The following NDEL1 variants were observed in gnomAD, a reference collection of about 807,000 sequenced individuals.
NDEL1 encodes nuclear distribution protein nudE-like 1.
A neutral mutation model predicts 45.7 loss-of-function variants in NDEL1; 9 were observed. That is an observed-to-expected ratio of 0.20 (90% CI 0.12 to 0.34). The LOEUF is 0.34. NDEL1 is among the 10% of genes least tolerant of loss of function. The pLI, the probability that NDEL1 is intolerant of heterozygous loss-of-function variation, is 1.00. For synonymous variants in NDEL1, 133 were observed against 158.6 expected (o/e 0.84, Z 1.21); for missense variants, 306 against 406.2 (o/e 0.75, Z 2.12).
intron 1 of NDEL1, among the ~76,000 whole-genome samples, chr17:8,420,074 C>T (rs1254213271): frequency 6.6e-6 from 1 of 152,160 alleles, no homozygotes; most frequent in Non-Finnish European, 1.5e-5. Context: ...CTCAACACTT[C>T]CCTGGTTTTC....
chr17:8,448,852 G>A (rs1186998029), intron 5 of NDEL1, among the ~76,000 whole-genome samples, 166 bp downstream of exon 5: 1 of 152,060 alleles, frequency 6.6e-6, no homozygotes, highest in Non-Finnish European at 1.5e-5. Context: ...TCATATATAC[G>A]GGCTGACTGT....
chr17:8,444,058 A>G, intron 1 of NDEL1: 1 of 460,126 alleles, frequency 2.2e-6, no homozygotes, highest in African/African-American at 2.0e-5. Flanking sequence ...CTTTGTCATG[A>G]TCTCATTCAC....
chr17:8,429,529 G>A (rs2151698781), intron 1 of NDEL1, among the ~76,000 whole-genome samples: 1 of 152,286 alleles, frequency 6.6e-6, no homozygotes, highest in East Asian at 1.9e-4. Flanking sequence ...GCATATGAGT[G>A]AGACTTCAAA....
chr17:8,439,555 G>A (rs2151708483), intron 1 of NDEL1, among the ~76,000 whole-genome samples: 1 of 152,114 alleles, frequency 6.6e-6, no homozygotes, highest in South Asian at 2.1e-4. Context: ...CGCCTGGCCT[G>A]CTTTGTTCGC....
chr17:8,464,681 T>G (rs1235621649), intron 8 of NDEL1: 1 of 152,336 alleles, frequency 6.6e-6, no homozygotes, highest in Non-Finnish European at 1.5e-5. Context: ...CCGGCCTGCA[T>G]TGGAGTGCCG....
At chr17:8,436,528 G>A (rs776923605) in intron 1 of NDEL1, 1 of 152,414 alleles carries the variant, frequency 6.6e-6, no homozygotes, top group Non-Finnish European at 1.5e-5. Context: ...GAGAGCGCGA[G>A]CAGCCCACGT....
At chr17:8,463,802 C>A (rs530428040) in intron 8 of NDEL1, among the ~76,000 whole-genome samples, 1 of 152,308 alleles carries the variant, frequency 6.6e-6, no homozygotes, top group East Asian at 1.9e-4. Context: ...GCATGGAGTC[C>A]CCAGTTAAAA....
chr17:8,473,695 C>T (rs1361456062), intron 3 of NDEL1, among the ~76,000 whole-genome samples: 1 of 152,166 alleles, frequency 6.6e-6, no homozygotes, highest in East Asian at 1.9e-4. Context: ...GACCCCTTAC[C>T]CCCAGAACCA....
intron 1 of NDEL1, among the ~76,000 whole-genome samples, chr17:8,430,101 T>C (rs1352592674): frequency 6.6e-6 from 1 of 152,128 alleles, no homozygotes; most frequent in African/African-American, 2.4e-5. Flanking sequence ...ACTGGAATGA[T>C]GGCACCATTG....
downstream of NDEL1, among the ~76,000 whole-genome samples, chr17:8,472,216 G>A (rs1911853842): frequency 6.6e-6 from 1 of 152,228 alleles, no homozygotes; most frequent in African/African-American, 2.4e-5. Context: ...AGAAAGGGCT[G>A]GCTAGAACAG....
At chr17:8,451,342 G>A (rs1910494865) in intron 6 of NDEL1, among the ~76,000 whole-genome samples, 1 of 151,966 alleles carries the variant, frequency 6.6e-6, no homozygotes, top group African/African-American at 2.4e-5. Context: ...TTTCTATTGT[G>A]TGCTTGTGTG....
chr17:8,439,544 G>C (rs1309468118), intron 1 of NDEL1, among the ~76,000 whole-genome samples: 2 of 151,968 alleles, frequency 1.3e-5, no homozygotes, highest in Admixed American at 1.3e-4. Context: ...ATGAGCCACC[G>C]CGCCTGGCCT....
chr17:8,447,181 C>T (rs144826372), intron 4 of NDEL1, among the ~76,000 whole-genome samples: 97 of 152,286 alleles, frequency 6.4e-4, no homozygotes, highest in African/African-American at 2.2e-3. Flanking sequence ...CTCACATTGT[C>T]GCCCAGTCTG....
At chr17:8,439,407 A>ATT (rs35226962) in intron 1 of NDEL1, among the ~76,000 whole-genome samples, 1 of 140,652 alleles carries the variant, frequency 7.1e-6, no homozygotes, top group African/African-American at 2.7e-5. Context: ...TACCCAGCTA[A>ATT]TTTTTTTTTT....
chr17:8,440,346 C>T (rs967690814), intron 1 of NDEL1, among the ~76,000 whole-genome samples: 11 of 151,756 alleles, frequency 7.2e-5, no homozygotes, highest in African/African-American at 2.7e-4. Flanking sequence ...GAAACCGTGT[C>T]CTACTAAAAA....
At chr17:8,449,028 G>A (rs1235823340) in intron 5 of NDEL1, among the ~76,000 whole-genome samples, 4 of 152,190 alleles carry the variant, frequency 2.6e-5, no homozygotes, top group Admixed American at 1.3e-4. Flanking sequence ...TTTCACCCAG[G>A]CTGGAGTGCA....
chr17:8,473,753 G>C (rs1219729390), intron 3 of NDEL1, among the ~76,000 whole-genome samples: 1 of 152,232 alleles, frequency 6.6e-6, no homozygotes, highest in East Asian at 1.9e-4. Flanking sequence ...TTCTCTGTTT[G>C]ATTCTGTGCT....
At position 8,450,877 on chromosome 17, in the gene NDEL1, C is replaced by T. The variant is rs371840348; in HGVS notation, c.624C>T (p.Ser208=). 146 of 1,613,448 alleles carry T rather than the reference C, an allele frequency of 9.0e-5. No individual in the cohort carries two copies. Among genetic ancestry groups the T allele is most frequent in the Middle Eastern group, 6.6e-4 (4 of 6,060 alleles). The change falls in exon 6 of 9, where the codon TCC becomes TCT. Residue 208 remains serine, a synonymous_variant. Transcript: ENST00000334527. Reference sequence around the variant, plus strand: ...CTCTAGACTGTGAAAAGATGGACTCCGCCGTCCAAGCATCACTTTCTTTGC... The same window carrying T: ...CTCTAGACTGTGAAAAGATGGACTCTGCCGTCCAAGCATCACTTTCTTTGC... ...SPTLDCEKMD[S]AVQASLSLPA...
At chr17:8,427,039 T>G (rs1445496925) in intron 1 of NDEL1, among the ~76,000 whole-genome samples, 2 of 152,232 alleles carry the variant, frequency 1.3e-5, no homozygotes, top group Non-Finnish European at 2.9e-5. Flanking sequence ...CAGGCCGCAT[T>G]CTCAGGCACA....
Sources: gnomAD v4.1 joint callset for allele counts (sites outside exome capture counted in the v4.1 genomes callset) on GRCh38, gnomAD v4.1.1 for gene constraint, MANE v1.5 for transcripts, NCBI Gene and HGNC (gene_info 2026-07-23, HGNC 2026-07-21) for gene names.